FRAS1: variants seen among roughly 807,000 people sequenced by gnomAD.
FRAS1 encodes Fraser extracellular matrix complex subunit 1.
Under a neutral mutation model 435.2 loss-of-function variants are expected in FRAS1, and 290 were observed. The observed-to-expected ratio is 0.67, with a 90% CI of 0.61 to 0.73. The LOEUF is 0.73. Ranked by LOEUF, FRAS1 falls within the 30% of genes least tolerant of loss-of-function variation. The pLI is 0.00. For missense variants in FRAS1, 4,860 were observed against 5,001.5 expected, an observed-to-expected ratio of 0.97 and a Z score of 0.85; for synonymous variants, 1,800 against 1,851.0, an observed-to-expected ratio of 0.97 and a Z score of 0.71.
intron 20 of FRAS1, among the ~76,000 whole-genome samples, chr4:78,362,306 G>A (rs1244671691): frequency 6.6e-6 from 1 of 152,254 alleles, no homozygotes; most frequent in Admixed American, 6.5e-5. Context: ...GGCCAAATCT[G>A]TGAGAAGGAG....
intron 2 of FRAS1, among the ~76,000 whole-genome samples, chr4:78,155,917 C>G (rs1431614093): frequency 6.6e-6 from 1 of 152,032 alleles, no homozygotes; most frequent in African/African-American, 2.4e-5. Context: ...ATTTCTTTCC[C>G]AAAGCTGTGA....
At position 78,254,986 on chromosome 4, in the gene FRAS1, A is replaced by T. The variant is rs749934527; in HGVS notation, c.470-256A>T. Among the ~76,000 whole-genome samples the T allele has an allele frequency of 1.3e-3, 201 of 152,112 alleles. 4 individuals are homozygous for T. Among genetic ancestry groups the T allele is most frequent in the Admixed American group, 8.5e-4 (13 of 15,252 alleles). On this transcript the variant is annotated intron_variant, in intron 5 of 73. Coordinates refer to ENST00000512123, the MANE Select transcript of FRAS1 (RefSeq NM_025074.7). ...AGCATTCATTGGGATGGAGTGGAGG[A>T]GCTGGTAGCTGAGAACTCATCCCAG...
At chr4:78,515,755 T>G in intron 65 of FRAS1, 44 bp from the exon 66 acceptor site, 1 of 1,584,180 alleles carries the variant, frequency 6.3e-7, no homozygotes, top group Non-Finnish European at 8.7e-7. Context: ...CTCCTTGGCA[T>G]CCACAAACCA....
chr4:78,411,236 G>A (rs1733323878), intron 31 of FRAS1, among the ~76,000 whole-genome samples: 1 of 151,420 alleles, frequency 6.6e-6, no homozygotes, highest in Non-Finnish European at 1.5e-5. Flanking sequence ...TCAGCCTCCC[G>A]AGTAGCTGGG....
At chr4:78,412,251 C>T (rs867541138) in intron 31 of FRAS1, among the ~76,000 whole-genome samples, 3 of 151,194 alleles carry the variant, frequency 2.0e-5, no homozygotes, top group Middle Eastern at 3.4e-3. Flanking sequence ...CAGCCGCCTG[C>T]CATATGGAAT....
intron 61 of FRAS1, among the ~76,000 whole-genome samples, chr4:78,504,316 G>T (rs757947204): frequency 1.3e-5 from 2 of 152,132 alleles, no homozygotes; most frequent in Non-Finnish European, 2.9e-5. Context: ...GACTGACAGT[G>T]GAGTGTTAAA....
chr4:78,342,554 T>A (rs111552599), intron 20 of FRAS1, among the ~76,000 whole-genome samples: 6,676 of 145,282 alleles, frequency 0.046, 212 homozygotes, highest in African/African-American at 0.1. Context: ...TTAGAAAAAA[T>A]TTTTTTTTTG....
chr4:78,284,104 T>G (rs1309656293), intron 12 of FRAS1, among the ~76,000 whole-genome samples: 1 of 152,154 alleles, frequency 6.6e-6, no homozygotes, highest in East Asian at 1.9e-4. Context: ...GAAGTAGTCA[T>G]TCCTGTTTCT....
intron 66 of FRAS1, among the ~76,000 whole-genome samples, chr4:78,517,318 T>C (rs1721241703): frequency 6.6e-6 from 1 of 152,212 alleles, no homozygotes; most frequent in Non-Finnish European, 1.5e-5. Context: ...ACTTTGACTT[T>C]GGAAAATGCA....
chr4:78,114,998 C>T (rs866275458), intron 2 of FRAS1, among the ~76,000 whole-genome samples: 30 of 152,042 alleles, frequency 2.0e-4, no homozygotes, highest in African/African-American at 5.5e-4. Flanking sequence ...TTTTGAGATA[C>T]GTCCCATCAA....
intron 24 of FRAS1, among the ~76,000 whole-genome samples, chr4:78,373,856 G>A (rs1372948036): frequency 1.3e-5 from 2 of 152,018 alleles, no homozygotes; most frequent in African/African-American, 4.8e-5. Flanking sequence ...TCCATGGGTG[G>A]GTAGGACAGT....
chr4:78,062,460 T>C (rs895486543), intron 1 of FRAS1, among the ~76,000 whole-genome samples: 2 of 152,182 alleles, frequency 1.3e-5, no homozygotes, highest in Admixed American at 6.5e-5. Context: ...TAATGAGTCA[T>C]GTTCTTGTGG....
chr4:78,505,547 G>A (rs1415776781), intron 61 of FRAS1, among the ~76,000 whole-genome samples: 1 of 151,936 alleles, frequency 6.6e-6, no homozygotes, highest in African/African-American at 2.4e-5. Flanking sequence ...CATGTATCAC[G>A]AAGCTCTTGT....
At chr4:78,298,024 CTCTCTCTA>C (rs1245779158) in intron 14 of FRAS1, among the ~76,000 whole-genome samples, 142 of 109,540 alleles carry the variant, frequency 1.3e-3, no homozygotes, top group Non-Finnish European at 1.8e-3. Flanking sequence ...CTCTCTCTCT[CTCTCTCTA>C]TATATATATA....
At chr4:78,519,643 A>G (rs967845200) in intron 67 of FRAS1, among the ~76,000 whole-genome samples, 162 bp downstream of exon 67, 6 of 152,190 alleles carry the variant, frequency 3.9e-5, no homozygotes, top group Non-Finnish European at 7.3e-5. Flanking sequence ...CCTGAAAAGA[A>G]TGATGTCCTT....
intron 63 of FRAS1, 81 bp from the exon 64 acceptor site, chr4:78,511,193 A>T: frequency 9.0e-7 from 1 of 1,110,858 alleles, no homozygotes; most frequent in Non-Finnish European, 1.3e-6. Context: ...GATGATCTTT[A>T]CAGATTAACT....
intron 19 of FRAS1, among the ~76,000 whole-genome samples, chr4:78,336,899 G>A (rs941863012): frequency 9.9e-5 from 15 of 152,146 alleles, no homozygotes; most frequent in South Asian, 2.1e-4. Flanking sequence ...CCTTGGCAGC[G>A]TCAATGCAGC....
intron 18 of FRAS1, among the ~76,000 whole-genome samples, chr4:78,328,986 C>T (rs534597687): frequency 6.6e-6 from 1 of 152,100 alleles, no homozygotes; most frequent in East Asian, 1.9e-4. Context: ...CCCAGAACAC[C>T]CAGAACTTTG....
intron 2 of FRAS1, among the ~76,000 whole-genome samples, chr4:78,156,216 G>A (rs539436158): frequency 6.6e-5 from 10 of 152,120 alleles, no homozygotes; most frequent in Non-Finnish European, 1.3e-4. Flanking sequence ...TGAAATTCAT[G>A]AAAGATTTCT....
Sources: gnomAD v4.1 joint callset for allele counts (sites outside exome capture counted in the v4.1 genomes callset) on GRCh38, gnomAD v4.1.1 for gene constraint, MANE v1.5 for transcripts, NCBI Gene and HGNC (gene_info 2026-07-23, HGNC 2026-07-21) for gene names.